The following CPLANE1 variants were observed in gnomAD, a reference collection of about 807,000 sequenced individuals.
CPLANE1 encodes the protein ciliogenesis and planar polarity effector 1.
CPLANE1 carries 263 observed loss-of-function variants against 362.5 expected under a neutral mutation model. The observed-to-expected ratio is 0.73, with a 90% CI of 0.66 to 0.80. The LOEUF (loss-of-function observed/expected upper bound fraction) is 0.80. Among genes scored for constraint, CPLANE1 ranks in the 30% least tolerant of loss-of-function variants. CPLANE1 has a pLI of 0.00. For synonymous variants in CPLANE1, 1,212 were observed against 1,302.6 expected (o/e 0.93, Z 1.50); for missense variants, 3,461 against 3,793.4 (o/e 0.91, Z 2.30).
chr5:37,184,831 C>T lies in CPLANE1; in HGVS notation c.4438G>A (p.Ala1480Thr). Residue 1480 changes from alanine to threonine, a missense_variant, in exon 25 of 53, where the codon GCT (alanine) becomes ACT (threonine). This residue lies in a region of CPLANE1 where 3,380 missense variants were observed against 3,666.1 expected (regional missense o/e 0.92). Transcript: ENST00000651892. ...CTACTTTTTTCTTCAACCGACAAAGCTTCAGAGAACGTATCTGCATCACTG... is the reference window on the plus strand; with the variant it reads ...CTACTTTTTTCTTCAACCGACAAAGTTTCAGAGAACGTATCTGCATCACTG... ...VHSDADTFSE[A>T]LSVEEKSRIN... 1.2e-6 allele frequency: 2 copies of T among 1,613,380 alleles called. No homozygotes were observed. The highest frequency in any genetic ancestry group is 1.7e-6 in the Non-Finnish European group (2 of 1,179,778).
chr5:37,216,791 A>G (rs989927485), intron 15 of CPLANE1, among the ~76,000 whole-genome samples: 1 of 152,212 alleles, frequency 6.6e-6, no homozygotes, highest in African/African-American at 2.4e-5. Flanking sequence ...GTTGGTATGA[A>G]GTGTATGGCT....
intron 12 of CPLANE1, 47 bp from the exon 13 acceptor site, chr5:37,224,787 G>T: frequency 7.5e-7 from 1 of 1,328,398 alleles, no homozygotes. Flanking sequence ...TCAGGCTAAT[G>T]ATGAGTTTAG....
chr5:37,092,877 A>G, the CPLANE1 span, among the ~76,000 whole-genome samples: 2 of 151,976 alleles, frequency 1.3e-5, no homozygotes, highest in Admixed American at 6.6e-5. Context: ...CAATATTTCT[A>G]TTTCACCCCA....
intron 33 of CPLANE1, 137 bp from the exon 34 acceptor site, chr5:37,169,698 C>A: frequency 2.8e-6 from 2 of 712,668 alleles, no homozygotes; most frequent in Non-Finnish European, 2.2e-6. Flanking sequence ...CAATAAAAAA[C>A]ACGATGACTA....
At chr5:37,127,679 C>T (rs553192977) in intron 46 of CPLANE1, among the ~76,000 whole-genome samples, 3 of 151,762 alleles carry the variant, frequency 2.0e-5, no homozygotes, top group East Asian at 3.9e-4. Context: ...CCACCACGCC[C>T]GGCTTTTTGC....
chr5:37,187,225 G>A (rs887442071), intron 23 of CPLANE1, among the ~76,000 whole-genome samples, 189 bp downstream of exon 23: 24 of 151,986 alleles, frequency 1.6e-4, no homozygotes, highest in African/African-American at 4.4e-4. Flanking sequence ...CTCTGCTTCC[G>A]TGAGTTTAAC....
Position 37,157,654 on chromosome 5 carries a change from A to C in CPLANE1, c.8011+16T>G, listed in dbSNP as rs777633518. ...CTTTTCAAATTATATTTGTTTTAAA[A>C]GTAGGAAAAAATTACCTTGACTCTT... On this transcript the variant is annotated intron_variant, in intron 40 of 52. Transcript: ENST00000651892. 1 of 1,605,196 alleles carries C rather than the reference A, an allele frequency of 6.2e-7. No homozygotes were observed. Among genetic ancestry groups the C allele is most frequent in the Non-Finnish European group, 8.5e-7 (1 of 1,173,546 alleles).
intron 33 of CPLANE1, 33 bp from the exon 34 acceptor site, chr5:37,169,594 G>C (rs942396493): frequency 1.3e-6 from 2 of 1,508,540 alleles, no homozygotes; most frequent in African/African-American, 1.4e-5. Context: ...TGTAAGTTTA[G>C]AATATATTAG....
intron 16 of CPLANE1, among the ~76,000 whole-genome samples, chr5:37,208,179 A>G (rs1215963841): frequency 2.0e-5 from 3 of 152,194 alleles, no homozygotes; most frequent in African/African-American, 4.8e-5. Context: ...CAAACTCCTG[A>G]ACTCAAGCAA....
At chr5:37,108,520 C>A in intron 51 of CPLANE1, 49 bp from the exon 52 acceptor site, 1 of 1,496,098 alleles carries the variant, frequency 6.7e-7, no homozygotes, top group Non-Finnish European at 9.1e-7. Context: ...TTCATTCATT[C>A]ATTCATTCAT....
chr5:37,239,768 G>A lies in CPLANE1; in HGVS notation c.779C>T (p.Ala260Val). The A allele has an allele frequency of 6.5e-7, 1 of 1,546,278 alleles. No homozygotes were observed. Among genetic ancestry groups the A allele is most frequent in the Non-Finnish European group, 8.7e-7 (1 of 1,144,064 alleles). The change falls in exon 7 of 53, where the codon GCC (alanine) becomes GTC (valine). Residue 260 changes from alanine to valine, a missense_variant. Physicochemically the swap from Ala to Val is moderately conservative, Grantham distance 64. Transcript: ENST00000651892. ...CAGGGTAAGGCCATCTCTTGAAAAG[G>A]CAGAAATTAGAGCTCCTCTTGACTT... is the stretch of plus-strand genomic sequence containing the variant. Reference protein sequence around the residue: ...SVKSRGALISAFSRDGLTLAV... With the variant: ...SVKSRGALISVFSRDGLTLAV...
chr5:37,100,327 G>T, the CPLANE1 span, among the ~76,000 whole-genome samples: 15 of 152,144 alleles, frequency 9.9e-5, no homozygotes, highest in Non-Finnish European at 1.8e-4. Flanking sequence ...TTCTGCATAT[G>T]ACTAGCCAGT....
chr5:37,246,544 T>C (rs1351007938), intron 2 of CPLANE1: 1 of 152,214 alleles, frequency 6.6e-6, no homozygotes, highest in Non-Finnish European at 1.5e-5. Context: ...AAAATAGATA[T>C]AGCTTCTGAA....
intron 40 of CPLANE1, 118 bp downstream of exon 40, chr5:37,157,552 A>T: frequency 9.0e-7 from 1 of 1,116,854 alleles, no homozygotes. Context: ...TGTGCATGTA[A>T]ACATCCAAAA....
intron 1 of CPLANE1, 122 bp from the exon 2 acceptor site, chr5:37,247,867 A>C (rs911202898): frequency 1.7e-6 from 1 of 603,276 alleles, no homozygotes; most frequent in Non-Finnish European, 2.6e-6. Context: ...ATATGATCTC[A>C]GCTCACTGCA....
intron 8 of CPLANE1, among the ~76,000 whole-genome samples, chr5:37,235,567 C>CT (rs546612161): frequency 0.045 from 4,180 of 93,370 alleles, 181 homozygotes; most frequent in African/African-American, 0.073. Context: ...TATCTAATTT[C>CT]TTTTTTTTTT....
chr5:37,195,592 C>CT (rs1281001669), intron 21 of CPLANE1, among the ~76,000 whole-genome samples: 7 of 148,342 alleles, frequency 4.7e-5, no homozygotes, highest in Non-Finnish European at 8.9e-5. Context: ...GAGCCAGACT[C>CT]TGTCTCAAAA....
the CPLANE1 span, among the ~76,000 whole-genome samples, chr5:37,081,646 T>C: frequency 6.6e-6 from 1 of 151,808 alleles, no homozygotes; most frequent in South Asian, 2.1e-4. Context: ...TTAAGGAGAA[T>C]GGAAAGACAA....
intron 20 of CPLANE1, 136 bp downstream of exon 20, chr5:37,198,566 G>T: frequency 1.2e-6 from 1 of 836,074 alleles, no homozygotes; most frequent in Non-Finnish European, 1.8e-6. Flanking sequence ...TGGTCTGTTT[G>T]TTTATGAATA....
Sources: allele counts gnomAD v4.1 joint callset (sites outside exome capture counted in the v4.1 genomes callset), GRCh38; gene constraint gnomAD v4.1.1; regional missense constraint gnomAD v4.1.1; transcripts MANE v1.5; gene names NCBI Gene and HGNC (gene_info 2026-07-23, HGNC 2026-07-21).